Variants in NBAS observed in about 807,000 individuals in gnomAD.
NBAS encodes the protein NAG/BC035112 fusion.
In NBAS, 219 loss-of-function variants were observed where a neutral mutation model predicts 302.5. The ratio of observed to expected loss-of-function variants is 0.72; its 90% CI spans 0.65 to 0.81. The LOEUF is 0.81. NBAS is among the 30% of genes least tolerant of loss of function. The probability of loss-of-function intolerance (pLI) is 0.00; values close to 1 mark genes in which losing one functional copy is unlikely to be tolerated. For synonymous variants in NBAS, 1,118 were observed against 1,021.6 expected (o/e 1.09, Z -1.80); for missense variants, 2,932 against 2,841.6 (o/e 1.03, Z -0.72).
intron 33 of NBAS, 33 bp downstream of exon 33, chr2:15,356,270 A>G (rs781534757): frequency 2.0e-6 from 3 of 1,533,422 alleles, no homozygotes; most frequent in Non-Finnish European, 2.7e-6. Context: ...TAAAGAGGAC[A>G]TAAGCAAAGT....
At chr2:15,235,665 G>A (rs570297117) in intron 45 of NBAS, among the ~76,000 whole-genome samples, 1 of 152,292 alleles carries the variant, frequency 6.6e-6, no homozygotes, top group African/African-American at 2.4e-5. Context: ...GAGATAGATA[G>A]GGAGGTATTT....
At chr2:14,794,535 T>G in the NBAS span, among the ~76,000 whole-genome samples, 1 of 152,172 alleles carries the variant, frequency 6.6e-6, no homozygotes, top group Non-Finnish European at 1.5e-5. Context: ...TGTTTACATA[T>G]TCACTTATAA....
At chr2:15,208,391 T>C (rs1434045389) in intron 48 of NBAS, among the ~76,000 whole-genome samples, 2 of 152,210 alleles carry the variant, frequency 1.3e-5, no homozygotes, top group Admixed American at 6.5e-5. Context: ...ATGGGAACTA[T>C]AATTCAAGAT....
At chr2:14,812,184 C>T in the NBAS span, among the ~76,000 whole-genome samples, 30 of 152,120 alleles carry the variant, frequency 2.0e-4, no homozygotes, top group Non-Finnish European at 3.5e-4. Context: ...GGCATATCCA[C>T]GTGGTTAGTT....
intron 40 of NBAS, among the ~76,000 whole-genome samples, chr2:15,296,525 CA>C (rs1480017216): frequency 8.1e-6 from 1 of 123,268 alleles, no homozygotes; most frequent in Admixed American, 8.3e-5. Flanking sequence ...GACTCTGTCT[CA>C]AAAAAAACAA....
the NBAS span, among the ~76,000 whole-genome samples, chr2:15,028,502 C>T: frequency 6.6e-6 from 1 of 152,196 alleles, no homozygotes; most frequent in African/African-American, 2.4e-5. Context: ...CAGATTGTGT[C>T]ATTTTCCTGC....
intron 26 of NBAS, among the ~76,000 whole-genome samples, chr2:15,398,577 C>T (rs1033676715): frequency 6.6e-6 from 1 of 151,094 alleles, no homozygotes; most frequent in Non-Finnish European, 1.5e-5. Context: ...AAATAATCTG[C>T]CTAGGTAAGA....
chr2:14,929,943 T>C, the NBAS span, among the ~76,000 whole-genome samples: 661 of 152,286 alleles, frequency 4.3e-3, 8 homozygotes, highest in African/African-American at 0.015. Flanking sequence ...TAGTGAGTTA[T>C]CACAAGATCT....
chr2:15,497,474 T>C (rs917042693), intron 11 of NBAS, among the ~76,000 whole-genome samples: 9 of 152,184 alleles, frequency 5.9e-5, no homozygotes, highest in African/African-American at 2.2e-4. Flanking sequence ...CTGGCTAGTG[T>C]CAGCAATAAT....
At chr2:15,046,933 G>A in the NBAS span, among the ~76,000 whole-genome samples, 37 of 152,298 alleles carry the variant, frequency 2.4e-4, no homozygotes, top group African/African-American at 8.4e-4. Flanking sequence ...ACCTATAACT[G>A]GTCCAGTCAA....
At chr2:15,338,713 C>T in intron 35 of NBAS, among the ~76,000 whole-genome samples, 1 of 77,008 alleles carries the variant, frequency 1.3e-5, no homozygotes, top group Non-Finnish European at 3.7e-5. Context: ...ACACACACAT[C>T]AAATTAGGTA....
intron 38 of NBAS, among the ~76,000 whole-genome samples, chr2:15,313,556 T>C (rs966945482): frequency 5.9e-5 from 9 of 152,234 alleles, no homozygotes; most frequent in African/African-American, 9.6e-5. Context: ...AATTAATATA[T>C]GCCATTTTAA....
At chr2:15,463,082 G>C (rs898430762) in intron 19 of NBAS, among the ~76,000 whole-genome samples, 33 of 152,160 alleles carry the variant, frequency 2.2e-4, no homozygotes, top group African/African-American at 8.0e-4. Context: ...AGAACAGCTT[G>C]GGCAAGATGG....
chr2:15,007,676 G>T, the NBAS span, among the ~76,000 whole-genome samples: 1 of 152,074 alleles, frequency 6.6e-6, no homozygotes, highest in Non-Finnish European at 1.5e-5. Context: ...TTTCTTTTTA[G>T]TGGAGAGTGC....
At chr2:15,233,253 G>A (rs148326807) in intron 46 of NBAS, among the ~76,000 whole-genome samples, 1 of 152,208 alleles carries the variant, frequency 6.6e-6, no homozygotes, top group East Asian at 1.9e-4. Context: ...TCCATTGCTG[G>A]AAGATTTAAT....
At chr2:15,237,305 G>A (rs756190296) in intron 45 of NBAS, among the ~76,000 whole-genome samples, 32 of 151,924 alleles carry the variant, frequency 2.1e-4, no homozygotes, top group African/African-American at 7.7e-4. Flanking sequence ...CCTAACACCT[G>A]CGTTTTCAAA....
chr2:15,155,213 C>T, the NBAS span, among the ~76,000 whole-genome samples: 1 of 152,158 alleles, frequency 6.6e-6, no homozygotes, highest in South Asian at 2.1e-4. Context: ...AGATGAAAAT[C>T]TTTACCTCTT....
chr2:15,496,071 T>C (rs1231215091), intron 11 of NBAS, among the ~76,000 whole-genome samples: 1 of 146,178 alleles, frequency 6.8e-6, no homozygotes, highest in Non-Finnish European at 1.5e-5. Flanking sequence ...TGTGTATATA[T>C]ATACACACAC....
intron 3 of NBAS, among the ~76,000 whole-genome samples, chr2:15,556,506 A>G (rs1220539774): frequency 6.6e-6 from 1 of 152,214 alleles, no homozygotes; most frequent in Non-Finnish European, 1.5e-5. Context: ...GATGCTTCAT[A>G]TGGACATTCA....
Sources: gnomAD v4.1 joint callset for allele counts (sites outside exome capture counted in the v4.1 genomes callset) on GRCh38, gnomAD v4.1.1 for gene constraint, MANE v1.5 for transcripts, NCBI Gene and HGNC (gene_info 2026-07-23, HGNC 2026-07-21) for gene names.